Variants in DMD observed in about 807,000 individuals in gnomAD.
The protein encoded by DMD is mutant dystrophin.
A neutral mutation model predicts 330.1 loss-of-function variants in DMD; 63 were observed. The ratio of observed to expected loss-of-function variants is 0.19; its 90% CI spans 0.16 to 0.24. DMD has a LOEUF of 0.24. Among genes scored for constraint, DMD ranks in the 10% least tolerant of loss-of-function variants. DMD has a pLI of 1.00. For missense variants in DMD, 3,344 were observed against 2,684.1 expected (o/e 1.25, Z -5.43); for synonymous variants, 1,223 against 959.8 (o/e 1.27, Z -5.07).
chrX:31,943,924 AG>A (rs2095046153), intron 45 of DMD, among the ~76,000 whole-genome samples: 8 of 102,162 alleles, frequency 7.8e-5, no homozygotes, highest in African/African-American at 3.0e-4. Flanking sequence ...AGAGAGAGAG[AG>A]AGAAAAGGGA....
intron 53 of DMD, among the ~76,000 whole-genome samples, chrX:31,673,178 T>C (rs2081902298): frequency 8.9e-6 from 1 of 112,256 alleles, no homozygotes; most frequent in Admixed American, 9.4e-5. Context: ...GTTGCAAGGC[T>C]ACTGATTTTC....
At chrX:33,140,969 T>C (rs2047767211) in intron 1 of DMD, among the ~76,000 whole-genome samples, 2 of 112,243 alleles carry the variant, frequency 1.8e-5, no homozygotes, top group South Asian at 7.3e-4. Context: ...ATATACAAAA[T>C]CATCAGTATA....
chrX:32,019,666 G>A (rs1293884), intron 44 of DMD, among the ~76,000 whole-genome samples: 3,369 of 111,720 alleles, frequency 0.03, 54 homozygotes, highest in Non-Finnish European at 0.048. Context: ...ACTTCCTTAC[G>A]TATGCTGTAC....
At chrX:33,068,302 A>G (rs911041571) in intron 1 of DMD, among the ~76,000 whole-genome samples, 13 of 111,890 alleles carry the variant, frequency 1.2e-4, no homozygotes, top group African/African-American at 4.2e-4. Context: ...GTAGTGATTA[A>G]TTGATCTAGG....
intron 3 of DMD, among the ~76,000 whole-genome samples, chrX:32,848,331 G>A (rs188756164): frequency 1.8e-5 from 2 of 111,940 alleles, no homozygotes; most frequent in African/African-American, 3.2e-5. Context: ...CATATGCTAC[G>A]TATCCATATA....
At chrX:31,221,491 G>A (rs910716423) in intron 64 of DMD, among the ~76,000 whole-genome samples, 1 of 112,338 alleles carries the variant, frequency 8.9e-6, no homozygotes, top group South Asian at 3.7e-4. Flanking sequence ...CTCTTCTAGA[G>A]TTACCTAGCT....
intron 1 of DMD, among the ~76,000 whole-genome samples, chrX:33,289,197 CT>C (rs1224841346): frequency 9.0e-6 from 1 of 110,894 alleles, no homozygotes; most frequent in African/African-American, 3.3e-5. Context: ...CCTAGATGCT[CT>C]TTTTTTCCTT....
At chrX:32,128,754 A>G (rs993954700) in intron 44 of DMD, among the ~76,000 whole-genome samples, 12 of 112,197 alleles carry the variant, frequency 1.1e-4, no homozygotes, top group Non-Finnish European at 1.9e-4. Context: ...TAAGGAAAAT[A>G]TGTTTAAGAA....
At chrX:31,472,009 T>C (rs974291172) in intron 59 of DMD, among the ~76,000 whole-genome samples, 2 of 112,473 alleles carry the variant, frequency 1.8e-5, no homozygotes, top group East Asian at 2.8e-4. Flanking sequence ...CCCAGATTTA[T>C]GAAGGATTAA....
chrX:31,786,527 C>G (rs1371040121), intron 50 of DMD, among the ~76,000 whole-genome samples: 1 of 111,268 alleles, frequency 9.0e-6, no homozygotes, highest in Admixed American at 9.6e-5. Flanking sequence ...CTCCTACTTG[C>G]ATCCTCATTG....
chrX:31,233,039 C>T (rs12839005), intron 63 of DMD, among the ~76,000 whole-genome samples: 28,438 of 111,003 alleles, frequency 0.26, 3,193 homozygotes, highest in African/African-American at 0.44. Flanking sequence ...ATTATCATCC[C>T]TATATATCAT....
intron 1 of DMD, among the ~76,000 whole-genome samples, chrX:33,107,442 T>C (rs1008233525): frequency 9.1e-6 from 1 of 109,664 alleles, no homozygotes; most frequent in Admixed American, 9.9e-5. Flanking sequence ...ACAAGTTTAT[T>C]AGGAAGGCAG....
At chrX:31,753,576 C>T (rs772824976) in intron 51 of DMD, among the ~76,000 whole-genome samples, 6 of 111,729 alleles carry the variant, frequency 5.4e-5, no homozygotes, top group Admixed American at 9.5e-5. Context: ...GATTCACAAA[C>T]ATGAAAATAT....
At chrX:31,273,893 T>C (rs1299848780) in intron 62 of DMD, among the ~76,000 whole-genome samples, 1 of 111,822 alleles carries the variant, frequency 8.9e-6, no homozygotes. Context: ...CTATAGAATG[T>C]GGATAATACT....
At chrX:31,323,480 A>C in intron 62 of DMD, 118 bp downstream of exon 62, 1 of 633,167 alleles carries the variant, frequency 1.6e-6, no homozygotes, top group Non-Finnish European at 2.5e-6. Flanking sequence ...CCTCAGGAAA[A>C]AAAAGACACA....
chrX:33,287,137 T>C lies in DMD; in HGVS notation c.7+52122A>G, dbSNP rs145603589. Among the ~76,000 whole-genome samples, 989 of 112,042 alleles carry C rather than the reference T, an allele frequency of 8.8e-3. 19 individuals carry two copies. Among genetic ancestry groups the C allele is most frequent in the African/African-American group, 0.03 (932 of 30,859 alleles). ...GCTATGCTAGCTAGCATTAAAAGAA[T>C]GAATATACTATCACGCTTTGCAATC... is the stretch of plus-strand genomic sequence containing the variant. On this transcript the variant is annotated intron_variant, in intron 1 of 17. Transcript: ENST00000288447.
chrX:32,536,075 G>C (rs1227750440), intron 17 of DMD, among the ~76,000 whole-genome samples: 1 of 110,116 alleles, frequency 9.1e-6, no homozygotes, highest in Non-Finnish European at 1.9e-5. Flanking sequence ...GCCCATCCTA[G>C]CCAACACGGT....
intron 44 of DMD, among the ~76,000 whole-genome samples, chrX:32,103,533 G>T (rs933993576): frequency 2.7e-5 from 3 of 111,642 alleles, no homozygotes; most frequent in Admixed American, 9.5e-5. Flanking sequence ...ATTCCTAAAG[G>T]TCTAACAATT....
chrX:32,949,958 G>T (rs2091124085), intron 2 of DMD, among the ~76,000 whole-genome samples: 1 of 89,989 alleles, frequency 1.1e-5, no homozygotes, highest in Non-Finnish European at 2.3e-5. Flanking sequence ...GTGTAAAGGT[G>T]CAGAGGCAAA....
Sources: gnomAD v4.1 joint callset for allele counts (sites outside exome capture counted in the v4.1 genomes callset) on GRCh38, gnomAD v4.1.1 for gene constraint, MANE v1.5 for transcripts, NCBI Gene and HGNC (gene_info 2026-07-23, HGNC 2026-07-21) for gene names.